LAMB4: variants seen among roughly 807,000 people sequenced by gnomAD.
LAMB4 encodes laminin subunit beta-4.
A neutral mutation model predicts 199.2 loss-of-function variants in LAMB4; 196 were observed. That is an observed-to-expected ratio of 0.98 (90% CI 0.88 to 1.11). LAMB4 has a LOEUF of 1.11. Among genes scored for constraint, LAMB4 ranks in the 50% least tolerant of loss-of-function variants. The pLI is 0.00. For synonymous variants in LAMB4, 744 were observed against 770.6 expected, an observed-to-expected ratio of 0.97 and a Z score of 0.57; for missense variants, 2,080 against 2,171.2, an observed-to-expected ratio of 0.96 and a Z score of 0.83.
chr7:108,059,289 G>T (rs1028727585), intron 23 of LAMB4, among the ~76,000 whole-genome samples: 2 of 151,778 alleles, frequency 1.3e-5, no homozygotes, highest in African/African-American at 2.4e-5. Flanking sequence ...TGTATTTTTA[G>T]TAGAGACGGG....
the LAMB4 span, among the ~76,000 whole-genome samples, chr7:108,015,897 C>A: frequency 1.3e-5 from 2 of 152,008 alleles, no homozygotes. Context: ...AATAACATTT[C>A]AAAGATGAAG....
chr7:108,078,092 GT>G, intron 16 of LAMB4, 108 bp downstream of exon 16: 2 of 711,914 alleles, frequency 2.8e-6, no homozygotes, highest in Non-Finnish European at 5.0e-6. Context: ...ATATGTTATA[GT>G]TTTCTTCAGA....
chr7:108,064,190 G>A (rs1015836646), intron 21 of LAMB4, among the ~76,000 whole-genome samples: 7 of 151,926 alleles, frequency 4.6e-5, no homozygotes, highest in African/African-American at 1.7e-4. Context: ...ATGATTATTC[G>A]GCTCTCTAAA....
intron 15 of LAMB4, among the ~76,000 whole-genome samples, chr7:108,079,098 T>C (rs1170819996): frequency 2.0e-5 from 3 of 152,236 alleles, no homozygotes; most frequent in East Asian, 3.8e-4. Flanking sequence ...ATTTGGCTTC[T>C]ATTCTGTTTT....
At position 108,052,046 on chromosome 7, in the gene LAMB4, G is replaced by A. The variant is rs776412739; in HGVS notation, c.3916+51C>T. On this transcript the variant is annotated intron_variant, in intron 26 of 33. Coordinates refer to ENST00000388781, the MANE Select transcript of LAMB4 (RefSeq NM_007356.3). Reference sequence around the variant, plus strand: ...CGACTCACTAATGGAATGCACTGTGGATTTCATCAAACTTTGTGCAGACAC... The same window carrying A: ...CGACTCACTAATGGAATGCACTGTGAATTTCATCAAACTTTGTGCAGACAC... 5.9e-6 allele frequency: 9 copies of A among 1,515,440 alleles called. No individual in the cohort carries two copies. The Admixed American group carries it at 1.3e-4, about 21-fold the overall frequency. The allele number at this position is 1,515,440 out of a possible 1,614,324, so 93.9% of individuals were successfully genotyped here. A position where few individuals can be genotyped will look rare whatever the true frequency, so the allele number is the denominator to read the frequency against.
intron 33 of LAMB4, chr7:108,026,481 T>G (rs1636951): frequency 0.19 from 31,244 of 165,570 alleles, 7,241 homozygotes; most frequent in African/African-American, 0.58. Context: ...GCCATCAGCC[T>G]AACGCAGCTG....
Position 108,091,660 on chromosome 7 carries a change from TC to T in LAMB4, c.1666del (p.Glu556ArgfsTer27), listed in dbSNP as rs1164920279. 2 of 1,614,036 alleles carry T rather than the reference TC, an allele frequency of 1.2e-6. No homozygotes were observed. Among genetic ancestry groups the T allele is most frequent in the African/African-American group, 2.7e-5 (2 of 74,930 alleles). ...CAGTCCTTGGAGTGTTGTGGCTTCC[TC>T]TGCCTCGTAGAGATAGAAATTCAAA... ...APLNFYLYEA[E>X]EATTLQGLAP... On this transcript the variant is annotated frameshift_variant, in exon 14 of 34. Coordinates refer to ENST00000388781, the MANE Select transcript of LAMB4 (RefSeq NM_007356.3). LOFTEE classifies it high-confidence loss of function.
intron 2 of LAMB4, among the ~76,000 whole-genome samples, chr7:108,116,771 G>A (rs2038421835): frequency 1.3e-5 from 2 of 152,290 alleles, no homozygotes; most frequent in South Asian, 4.1e-4. Flanking sequence ...ACTGGCTCAT[G>A]CCTGTACATC....
At chr7:108,076,385 T>C (rs2036704849) in intron 17 of LAMB4, among the ~76,000 whole-genome samples, 1 of 152,138 alleles carries the variant, frequency 6.6e-6, no homozygotes, top group African/African-American at 2.4e-5. Context: ...GCATGGTTTC[T>C]GAAGATAAGA....
At chr7:108,018,077 C>T in the LAMB4 span, among the ~76,000 whole-genome samples, 2 of 152,292 alleles carry the variant, frequency 1.3e-5, no homozygotes, top group South Asian at 2.1e-4. Flanking sequence ...TTGGGGTACC[C>T]GCAAAGAGAC....
intron 31 of LAMB4, among the ~76,000 whole-genome samples, chr7:108,032,133 T>C (rs1339466657): frequency 6.6e-6 from 1 of 152,220 alleles, no homozygotes; most frequent in African/African-American, 2.4e-5. Flanking sequence ...TTTACGCCTG[T>C]AATCCCAGGA....
intron 1 of LAMB4, among the ~76,000 whole-genome samples, chr7:108,127,896 T>C (rs1345237584): frequency 6.6e-6 from 1 of 152,180 alleles, no homozygotes; most frequent in African/African-American, 2.4e-5. Context: ...AGATGCTGTA[T>C]GGCAGACACA....
rs1379954160 is a variant in LAMB4 at position 108,037,721 on chromosome 7, G to A, written c.4472-126C>T. 4.4e-6 allele frequency: 3 copies of A among 679,684 alleles called. No individual in the cohort carries two copies. In the East Asian group the frequency reaches 7.9e-5, roughly 18 times the overall value. 42.1% of individuals were successfully genotyped at this position (679,684 alleles called of 1,614,324 possible). On this transcript the variant is annotated intron_variant, in intron 29 of 33. Transcript: ENST00000388781. Reference sequence around the variant, plus strand: ...TTGATTATGTGCCCCTAGAATACAGGGATTAGATTGTAGCTTCCTATAGAT... The same window carrying A: ...TTGATTATGTGCCCCTAGAATACAGAGATTAGATTGTAGCTTCCTATAGAT...
chr7:108,098,577 C>A lies in LAMB4; in HGVS notation c.1186G>T (p.Glu396Ter). 1 of 1,596,664 alleles carries A rather than the reference C, an allele frequency of 6.3e-7. No homozygotes were observed. Among genetic ancestry groups the A allele is most frequent in the Non-Finnish European group, 8.5e-7 (1 of 1,173,596 alleles). Residue 396 changes from glutamate (E) to a stop codon, truncating the protein, a stop_gained, in exon 11 of 34, where the codon GAA (glutamate) becomes TAA (stop). Transcript: ENST00000388781. LOFTEE classifies it high-confidence loss of function. ...GATATGGTCCCATCGGGGTCACATT[C>A]ACAAGCTGGGGACACAGACATTCAT... ...ISDPYACIPCECDPDGTISGG... is the reference protein window; with the variant it reads ...ISDPYACIPC
At chr7:108,018,607 C>T (rs551497387), downstream of LAMB4, among the ~76,000 whole-genome samples, 42 of 152,218 alleles carry the variant, frequency 2.8e-4, no homozygotes, top group Admixed American at 2.2e-3. Context: ...GGCATGGTGG[C>T]ACGTGCCTGT....
chr7:108,019,364 G>T (rs1188761396), downstream of LAMB4, among the ~76,000 whole-genome samples: 1 of 151,838 alleles, frequency 6.6e-6, no homozygotes, highest in African/African-American at 2.4e-5. Context: ...TCTTCCACTT[G>T]AGAGAACCCT....
chr7:108,085,909 G>A (rs879794155), intron 14 of LAMB4, among the ~76,000 whole-genome samples: 3 of 152,256 alleles, frequency 2.0e-5, no homozygotes, highest in South Asian at 2.1e-4. Flanking sequence ...CACTGCGCCC[G>A]GCCCTGCATT....
chr7:108,031,339 A>G (rs544621210), intron 31 of LAMB4, among the ~76,000 whole-genome samples: 2 of 138,692 alleles, frequency 1.4e-5, no homozygotes, highest in African/African-American at 5.6e-5. Context: ...AACAAAAAAA[A>G]AAAAAAAAGA....
chr7:108,036,484 G>T (rs760700663), intron 30 of LAMB4, among the ~76,000 whole-genome samples: 7 of 152,098 alleles, frequency 4.6e-5, no homozygotes, highest in African/African-American at 1.7e-4. Flanking sequence ...CACCGTGCCC[G>T]GCCTACTTAA....
Sources: gnomAD v4.1 joint callset for allele counts (sites outside exome capture counted in the v4.1 genomes callset) on GRCh38, gnomAD v4.1.1 for gene constraint, MANE v1.5 for transcripts, NCBI Gene and HGNC (gene_info 2026-07-23, HGNC 2026-07-21) for gene names.